Variants in ASNS observed in about 807,000 individuals in gnomAD.
ASNS encodes asparagine synthetase (glutamine-hydrolyzing), also known as asparagine synthetase [glutamine-hydrolyzing].
A neutral mutation model predicts 62.6 loss-of-function variants in ASNS; 37 were observed. The observed-to-expected ratio is 0.59, with a 90% CI of 0.45 to 0.78. The LOEUF (loss-of-function observed/expected upper bound fraction) is 0.78, where lower values mean the gene tolerates loss of function less well. Ranked by LOEUF, ASNS falls within the 30% of genes least tolerant of loss-of-function variation. The probability of loss-of-function intolerance (pLI) is 0.00; values close to 1 mark genes in which losing one functional copy is unlikely to be tolerated. For missense variants in ASNS, 520 were observed against 682.4 expected, an observed-to-expected ratio of 0.76 and a Z score of 2.65; for synonymous variants, 207 against 237.9, an observed-to-expected ratio of 0.87 and a Z score of 1.19.
chr7:97,854,850 C>T lies in ASNS; in HGVS notation c.1138-170G>A, dbSNP rs941028908. On this transcript the variant is annotated intron_variant, in intron 9 of 12. Coordinates refer to ENST00000394308, the MANE Select transcript of ASNS (RefSeq NM_001673.5). ...ATGCTTCACAAAACATGCCTTCCTT[C>T]CTACCAAACTGCTAATATTAGAATA... The T allele has an allele frequency of 4.4e-6, 5 of 1,144,274 alleles. No individual in the cohort carries two copies. In the African/African-American group the frequency reaches 7.8e-5, roughly 18 times the overall value. The allele number at this position is 1,144,274 out of a possible 1,614,324, so 70.9% of individuals were successfully genotyped here. A position where few individuals can be genotyped will look rare whatever the true frequency, so the allele number is the denominator to read the frequency against.
chr7:97,858,868 C>G lies in ASNS; in HGVS notation c.761G>C (p.Gly254Ala). 2 of 1,611,530 alleles carry G rather than the reference C, an allele frequency of 1.2e-6. No homozygotes were observed. The highest frequency in any genetic ancestry group is 8.5e-7 in the Non-Finnish European group (1 of 1,179,382). ...ATTGACTTCACCTGATAAAAGGCAGCCAATCCTTCTGTCTGTCATCAAACG... is the reference window on the plus strand; with the variant it reads ...ATTGACTTCACCTGATAAAAGGCAGGCAATCCTTCTGTCTGTCATCAAACG... ...KKRLMTDRRI[G>A]CLLSGGLDSS... Residue 254 changes from glycine (G) to alanine (A), a missense_variant, in exon 6 of 13, where the codon GGC becomes GCC. Transcript: ENST00000394308.
chr7:97,896,733 CACACACACATATAT>C, the ASNS span, among the ~76,000 whole-genome samples: 3 of 26,262 alleles, frequency 1.1e-4, no homozygotes, highest in African/African-American at 1.8e-4. Context: ...CACACACACA[CACACACACATATAT>C]ATATATATAT....
chr7:97,858,446 C>T (rs768511034), intron 6 of ASNS, 41 bp from the exon 7 acceptor site: 10 of 1,611,964 alleles, frequency 6.2e-6, no homozygotes, highest in Non-Finnish European at 8.5e-6. Flanking sequence ...TAGTTATGTG[C>T]CTTGCATAAG....
chr7:97,923,683 C>T, the ASNS span, among the ~76,000 whole-genome samples: 5 of 152,194 alleles, frequency 3.3e-5, no homozygotes, highest in Non-Finnish European at 4.4e-5. Context: ...TCCTGGCACA[C>T]GTTGCCCCCT....
At chr7:97,856,839 AT>A (rs1352652464) in intron 7 of ASNS, 23 bp from the exon 8 acceptor site, 1 of 1,567,154 alleles carries the variant, frequency 6.4e-7, no homozygotes. Context: ...AGAAATACCC[AT>A]TTACTTGTTA....
chr7:97,858,803 T>C (rs1340549066), intron 6 of ASNS, 51 bp downstream of exon 6: 1 of 1,507,076 alleles, frequency 6.6e-7, no homozygotes, highest in Admixed American at 1.9e-5. Context: ...CTACAAATCA[T>C]TTCAATTAAA....
chr7:97,886,394 G>A, the ASNS span, among the ~76,000 whole-genome samples: 727 of 152,144 alleles, frequency 4.8e-3, 2 homozygotes, highest in African/African-American at 0.017. Flanking sequence ...TGACCCGCTC[G>A]CCTCAGCCTC....
the ASNS span, chr7:97,912,941 G>C: frequency 2.6e-5 from 4 of 151,842 alleles, no homozygotes; most frequent in Admixed American, 6.6e-5. Flanking sequence ...CACAGATTAG[G>C]AAACATCACA....
In ASNS at chr7:97,858,859, A is replaced by G; in HGVS notation, c.770T>C (p.Leu257Ser). Residue 257 changes from leucine (L) to serine (S), a missense_variant, in exon 6 of 13, where the codon TTA (leucine) becomes TCA (serine). Leu to Ser is a moderately radical substitution (Grantham distance 145, BLOSUM62 -2). Coordinates refer to ENST00000394308, the MANE Select transcript of ASNS (RefSeq NM_001673.5). ...LMTDRRIGCL[L>S]SGGLDSSLVA... Reference sequence around the variant, plus strand: ...GTTTTTTTAATTGACTTCACCTGATAAAAGGCAGCCAATCCTTCTGTCTGT... The same window carrying G: ...GTTTTTTTAATTGACTTCACCTGATGAAAGGCAGCCAATCCTTCTGTCTGT... 1 of 1,610,744 alleles carries G rather than the reference A, an allele frequency of 6.2e-7. No individual in the cohort carries two copies. The highest frequency in any genetic ancestry group is 8.5e-7 in the Non-Finnish European group (1 of 1,179,088).
intron 6 of ASNS, 140 bp downstream of exon 6, chr7:97,858,713 TA>T: frequency 2.3e-6 from 2 of 871,710 alleles, no homozygotes; most frequent in Non-Finnish European, 3.5e-6. Context: ...ATACAGCTTA[TA>T]AAAAATCATT....
chr7:97,881,648 C>A, the ASNS span, among the ~76,000 whole-genome samples: 81,083 of 151,706 alleles, frequency 0.53, 21,868 homozygotes, highest in Middle Eastern at 0.6. Flanking sequence ...TGGACCTTGG[C>A]AACATCACGC....
At chr7:97,874,244 T>A (rs577104869), upstream of ASNS, among the ~76,000 whole-genome samples, 5 of 152,340 alleles carry the variant, frequency 3.3e-5, no homozygotes, top group East Asian at 9.7e-4. Flanking sequence ...AAGAGAAATA[T>A]GGTTCTGTTC....
chr7:97,891,555 C>T, the ASNS span, among the ~76,000 whole-genome samples: 96 of 140,750 alleles, frequency 6.8e-4, no homozygotes, highest in East Asian at 3.8e-3. Flanking sequence ...AAATCAAAAA[C>T]AAGTTAGTTA....
At chr7:97,917,136 T>C in the ASNS span, among the ~76,000 whole-genome samples, 1 of 149,872 alleles carries the variant, frequency 6.7e-6, no homozygotes, top group Non-Finnish European at 1.5e-5. Context: ...AGGATGCCAG[T>C]TAAACTTGAA....
chr7:97,869,527 T>C (rs867692754), intron 2 of ASNS, among the ~76,000 whole-genome samples: 3 of 152,136 alleles, frequency 2.0e-5, no homozygotes, highest in African/African-American at 7.2e-5. Flanking sequence ...AAGATACAGA[T>C]ACAAATGCAG....
chr7:97,878,253 T>C, the ASNS span, among the ~76,000 whole-genome samples: 19 of 152,244 alleles, frequency 1.2e-4, no homozygotes, highest in African/African-American at 3.4e-4. Flanking sequence ...CTGGGAGTGG[T>C]GGCACACGTC....
chr7:97,874,563 A>G (rs1207105041), upstream of ASNS, among the ~76,000 whole-genome samples: 3 of 152,266 alleles, frequency 2.0e-5, no homozygotes, highest in East Asian at 5.8e-4. Flanking sequence ...GGCAGGCATA[A>G]GAAATTACAA....
chr7:97,864,542 T>C, intron 3 of ASNS, 46 bp from the exon 4 acceptor site: 1 of 1,318,714 alleles, frequency 7.6e-7, no homozygotes, highest in Non-Finnish European at 1.1e-6. Flanking sequence ...CCTTGTACAT[T>C]CACTAATAAT....
chr7:97,912,730 A>C, the ASNS span, among the ~76,000 whole-genome samples: 1 of 151,508 alleles, frequency 6.6e-6, no homozygotes, highest in Admixed American at 6.6e-5. Context: ...CTACAGGCAG[A>C]CGCCACCACA....
Sources: gnomAD v4.1 joint callset for allele counts (sites outside exome capture counted in the v4.1 genomes callset) on GRCh38, gnomAD v4.1.1 for gene constraint, MANE v1.5 for transcripts, NCBI Gene and HGNC (gene_info 2026-07-23, HGNC 2026-07-21) for gene names.